Variants in CD38 observed in about 807,000 individuals in gnomAD.
CD38 encodes ADP-ribosyl cyclase/cyclic ADP-ribose hydrolase 1.
CD38 carries 31 observed loss-of-function variants against 36.3 expected under a neutral mutation model. The observed-to-expected ratio is 0.85, with a 90% CI of 0.64 to 1.15. The LOEUF is 1.15. Among genes scored for constraint, CD38 ranks in the 50% most tolerant of loss-of-function variants. CD38 has a pLI of 0.00. For missense variants in CD38, 380 were observed against 371.9 expected, an observed-to-expected ratio of 1.02 and a Z score of -0.18; for synonymous variants, 131 against 135.2, an observed-to-expected ratio of 0.97 and a Z score of 0.22.
intron 1 of CD38, among the ~76,000 whole-genome samples, chr4:15,804,164 G>C (rs1326459043): frequency 6.6e-6 from 1 of 152,060 alleles, no homozygotes; most frequent in Non-Finnish European, 1.5e-5. Flanking sequence ...TTTCCTGTGG[G>C]CCATATACCC....
At chr4:15,787,873 CATT>C (rs1722876466) in intron 1 of CD38, among the ~76,000 whole-genome samples, 1 of 152,186 alleles carries the variant, frequency 6.6e-6, no homozygotes, top group African/African-American at 2.4e-5. Flanking sequence ...GGGTAATTAA[CATT>C]GTTGTTCCGC....
Position 15,851,206 on chromosome 4 carries a change from C to T in CD38, c.*2604C>T, listed in dbSNP as rs905498479. 1 of 152,216 alleles carries T rather than the reference C, an allele frequency of 6.6e-6. No homozygotes were observed. Among genetic ancestry groups the T allele is most frequent in the African/African-American group, 2.4e-5 (1 of 41,420 alleles). The allele number at this position is 152,216 out of a possible 1,614,324, so 9.4% of individuals were successfully genotyped here. ...TATCTTCATTACCACAATGCCTCATCTCTACCTCCTTTCCCCCTGTAGTTC... is the reference window on the plus strand; with the variant it reads ...TATCTTCATTACCACAATGCCTCATTTCTACCTCCTTTCCCCCTGTAGTTC... On this transcript the variant is annotated 3_prime_UTR_variant, in exon 8 of 8. Coordinates refer to ENST00000226279, the MANE Select transcript of CD38 (RefSeq NM_001775.4).
intron 1 of CD38, among the ~76,000 whole-genome samples, chr4:15,799,420 A>G (rs1297467622): frequency 6.6e-5 from 10 of 152,204 alleles, no homozygotes. Context: ...TTGATATCCA[A>G]TAGAACATGT....
chr4:15,792,437 T>TCAAGAAAAAAAAAAAAAAAAAAAA (rs1723022040), intron 1 of CD38, among the ~76,000 whole-genome samples: 1 of 134,956 alleles, frequency 7.4e-6, no homozygotes, highest in African/African-American at 3.0e-5. Context: ...TAAAATAAAA[T>TCAAGAAAAAAAAAAAAAAAAAAAA]AAAAAAAAGG....
chr4:15,788,522 G>T (rs1187298396), intron 1 of CD38, among the ~76,000 whole-genome samples: 2 of 152,118 alleles, frequency 1.3e-5, no homozygotes, highest in East Asian at 3.9e-4. Context: ...GCCAGATGAA[G>T]AGAGTCAAGG....
At chr4:15,828,580 C>G (rs2148925561) in intron 3 of CD38, among the ~76,000 whole-genome samples, 1 of 152,260 alleles carries the variant, frequency 6.6e-6, no homozygotes, top group East Asian at 1.9e-4. Flanking sequence ...CAGCATTTGT[C>G]TTTCTGTGGG....
chr4:15,787,825 A>G (rs145832049), intron 1 of CD38, among the ~76,000 whole-genome samples: 145 of 152,298 alleles, frequency 9.5e-4, no homozygotes, highest in South Asian at 2.3e-3. Context: ...TATTCAGTAC[A>G]GACATAATGC....
At chr4:15,814,008 C>T (rs558824573) in intron 1 of CD38, among the ~76,000 whole-genome samples, 1 of 152,270 alleles carries the variant, frequency 6.6e-6, no homozygotes, top group African/African-American at 2.4e-5. Flanking sequence ...GATCTAGATC[C>T]TTGAGGAATC....
chr4:15,851,929 C>T lies in CD38; in HGVS notation c.*3327C>T, dbSNP rs1724394998. On this transcript the variant is annotated 3_prime_UTR_variant, in exon 8 of 8. Coordinates refer to ENST00000226279, the MANE Select transcript of CD38 (RefSeq NM_001775.4). ...TACTAAATGCTGTGGGCAATTTTAA[C>T]CTGATGGTAAATGTTTGTGTATCTA... 6.6e-6 allele frequency: 1 copy of T among 152,178 alleles called. No individual in the cohort carries two copies. The highest frequency in any genetic ancestry group is 6.5e-5 in the Admixed American group (1 of 15,272). The allele number at this position is 152,178 out of a possible 1,614,324, so 9.4% of individuals were successfully genotyped here.
intron 1 of CD38, among the ~76,000 whole-genome samples, chr4:15,782,620 C>T (rs74644356): frequency 2.6e-5 from 4 of 152,232 alleles, no homozygotes; most frequent in Admixed American, 1.3e-4. Flanking sequence ...ATAACATAAA[C>T]AAAGTTGTAA....
At chr4:15,824,110 A>G (rs541722500) in intron 2 of CD38, among the ~76,000 whole-genome samples, 46 of 152,246 alleles carry the variant, frequency 3.0e-4, no homozygotes. Flanking sequence ...GAACACATGG[A>G]CACCAGGAGG....
chr4:15,834,148 C>A, intron 3 of CD38, 69 bp from the exon 4 acceptor site: 1 of 1,010,890 alleles, frequency 9.9e-7, no homozygotes, highest in Non-Finnish European at 1.6e-6. Context: ...GACTGAACAG[C>A]CAGGGAAGAG....
At chr4:15,796,083 G>T (rs1723098652) in intron 1 of CD38, among the ~76,000 whole-genome samples, 1 of 152,026 alleles carries the variant, frequency 6.6e-6, no homozygotes, top group Admixed American at 6.5e-5. Flanking sequence ...CTCTAACGTT[G>T]TCTAAGTTGG....
chr4:15,787,032 C>T (rs752522200), intron 1 of CD38, among the ~76,000 whole-genome samples: 4 of 151,736 alleles, frequency 2.6e-5, no homozygotes, highest in African/African-American at 7.3e-5. Flanking sequence ...GCTCAGAGTG[C>T]GGCCTGGGGA....
chr4:15,779,214 C>G (rs888822666), intron 1 of CD38, among the ~76,000 whole-genome samples: 4 of 152,128 alleles, frequency 2.6e-5, no homozygotes, highest in Admixed American at 1.3e-4. Flanking sequence ...AGCAGCACTC[C>G]GATTCTTTTT....
chr4:15,847,987 G>T (rs1724300097), intron 7 of CD38, among the ~76,000 whole-genome samples: 1 of 152,168 alleles, frequency 6.6e-6, no homozygotes, highest in African/African-American at 2.4e-5. Flanking sequence ...CCTTCCAGAA[G>T]CCCAGGGGTG....
chr4:15,813,617 G>A (rs1723520317), intron 1 of CD38, among the ~76,000 whole-genome samples: 1 of 151,814 alleles, frequency 6.6e-6, no homozygotes, highest in Non-Finnish European at 1.5e-5. Context: ...CCCGCCGACA[G>A]GCCCCGGTGT....
At chr4:15,801,576 A>G (rs1057085484) in intron 1 of CD38, among the ~76,000 whole-genome samples, 4 of 152,186 alleles carry the variant, frequency 2.6e-5, no homozygotes, top group African/African-American at 9.6e-5. Context: ...CCAACAGCAC[A>G]TTAATAAGTT....
At chr4:15,799,090 T>G (rs1723161192) in intron 1 of CD38, among the ~76,000 whole-genome samples, 1 of 152,208 alleles carries the variant, frequency 6.6e-6, no homozygotes, top group Non-Finnish European at 1.5e-5. Context: ...ACTGATTTCT[T>G]TAATGTGAGA....
Sources: gnomAD v4.1 joint callset for allele counts (sites outside exome capture counted in the v4.1 genomes callset) on GRCh38, gnomAD v4.1.1 for gene constraint, MANE v1.5 for transcripts, NCBI Gene and HGNC (gene_info 2026-07-23, HGNC 2026-07-21) for gene names.